GRID2: variants seen among roughly 807,000 people sequenced by gnomAD.
The protein encoded by GRID2 is glutamate receptor ionotropic, delta-2.
Under a neutral mutation model 114.8 loss-of-function variants are expected in GRID2, and 33 were observed. That is an observed-to-expected ratio of 0.29 (90% CI 0.22 to 0.38). The LOEUF (loss-of-function observed/expected upper bound fraction) is 0.38, where lower values mean the gene tolerates loss of function less well. GRID2 is among the 10% of genes least tolerant of loss of function. The probability of loss-of-function intolerance (pLI) is 1.00; values close to 1 mark genes in which losing one functional copy is unlikely to be tolerated. For missense variants in GRID2, 1,184 were observed against 1,257.7 expected, an observed-to-expected ratio of 0.94 and a Z score of 0.89; for synonymous variants, 505 against 449.9, an observed-to-expected ratio of 1.12 and a Z score of -1.55.
At position 92,967,122 on chromosome 4, in the gene GRID2, G is replaced by C. The variant is rs568808929; in HGVS notation, c.245-117873G>C. 3.9e-5 allele frequency among the ~76,000 whole-genome samples: 6 copies of C among 152,010 alleles called. No homozygotes were observed. In the South Asian group the frequency reaches 1.0e-3, roughly 26 times the overall value. On this transcript the variant is annotated intron_variant, in intron 2 of 15. Coordinates refer to ENST00000282020, the MANE Select transcript of GRID2 (RefSeq NM_001510.4). The stretch of plus-strand genomic sequence containing the variant: ...GGCAACAAACTGATAAGGGAGGTCA[G>C]TATGTTCCAATTAGCATTTAAAATC...
At chr4:92,934,394 T>C (rs1032032645) in intron 2 of GRID2, among the ~76,000 whole-genome samples, 2 of 151,022 alleles carry the variant, frequency 1.3e-5, no homozygotes, top group African/African-American at 4.8e-5. Flanking sequence ...CCTGAGACTT[T>C]GCTGAAGCTG....
chr4:92,732,736 TCTATCTAC>T (rs1240869859), intron 2 of GRID2, among the ~76,000 whole-genome samples: 1 of 152,066 alleles, frequency 6.6e-6, no homozygotes, highest in Non-Finnish European at 1.5e-5. Flanking sequence ...TATCTTTCTA[TCTATCTAC>T]CTATCTAACA....
At chr4:93,568,509 A>G (rs1350505751) in intron 13 of GRID2, among the ~76,000 whole-genome samples, 2 of 152,240 alleles carry the variant, frequency 1.3e-5, no homozygotes, top group African/African-American at 4.8e-5. Flanking sequence ...AAATGCCAAT[A>G]GCACCCCAAT....
At chr4:93,104,697 C>T (rs1732032448) in intron 3 of GRID2, among the ~76,000 whole-genome samples, 1 of 152,156 alleles carries the variant, frequency 6.6e-6, no homozygotes, top group Non-Finnish European at 1.5e-5. Flanking sequence ...TTTCTTAATC[C>T]AGTCTATCAT....
At chr4:92,934,361 G>C (rs940008420) in intron 2 of GRID2, among the ~76,000 whole-genome samples, 3 of 151,352 alleles carry the variant, frequency 2.0e-5, no homozygotes, top group South Asian at 2.1e-4. Context: ...AATGCTTGTG[G>C]TTTTTGTACA....
intron 1 of GRID2, among the ~76,000 whole-genome samples, chr4:93,801,512 A>G (rs1734928630): frequency 6.6e-6 from 1 of 152,104 alleles, no homozygotes; most frequent in Admixed American, 6.6e-5. Flanking sequence ...ATTTTATTAA[A>G]TATTTTTAAT....
At chr4:92,845,213 A>C (rs2149415022) in intron 2 of GRID2, among the ~76,000 whole-genome samples, 1 of 152,190 alleles carries the variant, frequency 6.6e-6, no homozygotes, top group South Asian at 2.1e-4. Flanking sequence ...GATTTTTCTA[A>C]ATGCCATGTC....
chr4:92,349,507 G>T (rs1192783804), intron 1 of GRID2, among the ~76,000 whole-genome samples: 1 of 151,534 alleles, frequency 6.6e-6, no homozygotes, highest in African/African-American at 2.4e-5. Context: ...AAGGGGAGAT[G>T]ATTGATATTT....
rs775585992 is a variant in GRID2, at chr4:93,216,910, A to G, written c.962A>G (p.Glu321Gly). ...DPKDPFAQNM[E>G]ISNLYIYDTV... ...AAGGATCCATTTGCTCAGAATATGG[A>G]GGTATATTATAAATGACAGGATATT... The change falls in exon 6 of 16, where the codon GAG becomes GGG. Residue 321 changes from glutamate to glycine, a missense_variant and splice_region_variant. By Grantham distance (98) the Glu-to-Gly change is moderately conservative. Transcript: ENST00000282020. The G allele has an allele frequency of 1.9e-6, 3 of 1,603,168 alleles. No individual in the cohort carries two copies. Among genetic ancestry groups the G allele is most frequent in the East Asian group, 2.2e-5 (1 of 44,786 alleles).
At chr4:93,722,377 A>T (rs534714172) in intron 14 of GRID2, among the ~76,000 whole-genome samples, 75 of 152,190 alleles carry the variant, frequency 4.9e-4, no homozygotes, top group Non-Finnish European at 8.7e-4. Context: ...CTAGTGAGTT[A>T]CGGACCAGGA....
At chr4:92,811,112 C>T (rs1221060108) in intron 2 of GRID2, among the ~76,000 whole-genome samples, 1 of 152,022 alleles carries the variant, frequency 6.6e-6, no homozygotes, top group Non-Finnish European at 1.5e-5. Flanking sequence ...TCACCTGGTA[C>T]CATATCTAAG....
chr4:93,778,253 G>A (rs1195448596), downstream of GRID2, among the ~76,000 whole-genome samples: 4 of 151,918 alleles, frequency 2.6e-5, no homozygotes, highest in African/African-American at 9.7e-5. Context: ...CCAAAATTAG[G>A]TTGACTTTAA....
At chr4:92,664,489 C>T (rs1732672309) in intron 2 of GRID2, among the ~76,000 whole-genome samples, 1 of 150,902 alleles carries the variant, frequency 6.6e-6, no homozygotes, top group African/African-American at 2.4e-5. Flanking sequence ...GGACTTAGGT[C>T]TCATGTGCAG....
chr4:92,799,562 T>C (rs1740055993), intron 2 of GRID2, among the ~76,000 whole-genome samples: 1 of 152,044 alleles, frequency 6.6e-6, no homozygotes, highest in Non-Finnish European at 1.5e-5. Context: ...CATCATCTTT[T>C]TTCTTCGTGT....
At chr4:93,053,177 G>T (rs1726886851) in intron 2 of GRID2, among the ~76,000 whole-genome samples, 1 of 151,870 alleles carries the variant, frequency 6.6e-6, no homozygotes, top group South Asian at 2.1e-4. Context: ...TTGTCCCAGA[G>T]CAGCAGCATC....
chr4:93,107,549 T>G (rs185007932), intron 3 of GRID2, among the ~76,000 whole-genome samples: 1 of 152,022 alleles, frequency 6.6e-6, no homozygotes, highest in Non-Finnish European at 1.5e-5. Context: ...ATTAAAAAAA[T>G]TTTTTTTGAG....
At chr4:92,904,765 CAAAG>C (rs1379329295) in intron 2 of GRID2, among the ~76,000 whole-genome samples, 1 of 151,604 alleles carries the variant, frequency 6.6e-6, no homozygotes, top group African/African-American at 2.4e-5. Flanking sequence ...TGGATGGAAC[CAAAG>C]AAAGAATACA....
chr4:93,447,356 C>A (rs1326692336), intron 10 of GRID2, among the ~76,000 whole-genome samples: 1 of 151,680 alleles, frequency 6.6e-6, no homozygotes, highest in African/African-American at 2.4e-5. Flanking sequence ...TTTTAGAATT[C>A]ATAAATCAAT....
At chr4:92,998,337 A>C (rs1240929472) in intron 2 of GRID2, among the ~76,000 whole-genome samples, 1 of 152,052 alleles carries the variant, frequency 6.6e-6, no homozygotes, top group African/African-American at 2.4e-5. Flanking sequence ...AATCAAAGAA[A>C]ATTATATTCT....
Sources: allele counts gnomAD v4.1 joint callset (sites outside exome capture counted in the v4.1 genomes callset), GRCh38; gene constraint gnomAD v4.1.1; transcripts MANE v1.5; gene names NCBI Gene and HGNC (gene_info 2026-07-23, HGNC 2026-07-21).